TMEM233: variants seen among roughly 807,000 people sequenced by gnomAD.
The protein encoded by TMEM233 is transmembrane protein 233.
Under a neutral mutation model 11.2 loss-of-function variants are expected in TMEM233, and 6 were observed. The observed-to-expected ratio is 0.54, with a 90% CI of 0.29 to 1.06. The LOEUF (loss-of-function observed/expected upper bound fraction) is 1.06. Ranked by LOEUF, TMEM233 falls within the 50% of genes least tolerant of loss-of-function variation. The pLI, the probability that TMEM233 is intolerant of heterozygous loss-of-function variation, is 0.08. For missense variants in TMEM233, 127 were observed against 144.7 expected (o/e 0.88, Z 0.63); for synonymous variants, 59 against 55.8 (o/e 1.06, Z -0.26).
intron 1 of TMEM233, among the ~76,000 whole-genome samples, chr12:119,629,409 C>CAA (rs56377138): frequency 1.1e-4 from 3 of 27,960 alleles, no homozygotes; most frequent in African/African-American, 2.3e-4. Flanking sequence ...GACTCTGTCT[C>CAA]AAAAAAAAAA....
intron 1 of TMEM233, among the ~76,000 whole-genome samples, chr12:119,597,100 C>T (rs1473501938): frequency 1.3e-5 from 2 of 152,208 alleles, no homozygotes; most frequent in African/African-American, 2.4e-5. Flanking sequence ...ATCACAAGGA[C>T]TCCAAAGGAC....
intron 1 of TMEM233, among the ~76,000 whole-genome samples, chr12:119,604,932 T>C (rs896246862): frequency 6.6e-6 from 1 of 152,042 alleles, no homozygotes; most frequent in African/African-American, 2.4e-5. Context: ...CATGCCTGGC[T>C]AAGTTAGGTG....
At chr12:119,596,931 C>A (rs974399200) in intron 1 of TMEM233, among the ~76,000 whole-genome samples, 8 of 152,308 alleles carry the variant, frequency 5.3e-5, no homozygotes, top group Admixed American at 5.2e-4. Flanking sequence ...TAGGTACATG[C>A]AATAATTGTC....
intron 1 of TMEM233, among the ~76,000 whole-genome samples, chr12:119,621,401 T>C (rs1191418871): frequency 6.6e-6 from 1 of 152,180 alleles, no homozygotes; most frequent in African/African-American, 2.4e-5. Context: ...CAGGCTGGTC[T>C]TGAACTCCTG....
At chr12:119,616,810 G>A (rs1382719181) in intron 1 of TMEM233, among the ~76,000 whole-genome samples, 1 of 152,180 alleles carries the variant, frequency 6.6e-6, no homozygotes, top group East Asian at 1.9e-4. Context: ...TAGTGGGTGA[G>A]TTCTCACAAG....
intron 1 of TMEM233, among the ~76,000 whole-genome samples, chr12:119,626,945 G>C (rs1954778977): frequency 6.6e-6 from 1 of 152,212 alleles, no homozygotes; most frequent in Non-Finnish European, 1.5e-5. Context: ...TAACAAGTTT[G>C]GCATGAGCAC....
At chr12:119,650,057 C>T in the TMEM233 span, among the ~76,000 whole-genome samples, 2 of 150,676 alleles carry the variant, frequency 1.3e-5, no homozygotes, top group Non-Finnish European at 2.9e-5. Context: ...ACTCAGGAGG[C>T]TGAGGCAGGA....
chr12:119,605,122 T>A (rs1954246711), intron 1 of TMEM233, among the ~76,000 whole-genome samples: 1 of 152,140 alleles, frequency 6.6e-6, no homozygotes, highest in African/African-American at 2.4e-5. Context: ...CCTCTTTTGA[T>A]AACTTTATTT....
chr12:119,602,878 T>C (rs905634721), intron 1 of TMEM233, among the ~76,000 whole-genome samples: 6 of 152,124 alleles, frequency 3.9e-5, no homozygotes, highest in Non-Finnish European at 8.8e-5. Context: ...TGCATGACAG[T>C]GGAAGCTGGG....
intron 1 of TMEM233, among the ~76,000 whole-genome samples, chr12:119,627,034 G>A (rs1954780183): frequency 1.3e-5 from 2 of 152,224 alleles, no homozygotes; most frequent in South Asian, 4.1e-4. Flanking sequence ...AAAGGCAGAG[G>A]AGCAAGTGGG....
intron 1 of TMEM233, among the ~76,000 whole-genome samples, chr12:119,624,518 T>C (rs1458463028): frequency 6.6e-6 from 1 of 152,232 alleles, no homozygotes; most frequent in Admixed American, 6.5e-5. Context: ...GAAAAAATTC[T>C]GACACATACT....
At position 119,596,082 on chromosome 12, in the gene TMEM233, C is replaced by T. The variant is rs552811501; in HGVS notation, c.186+2048C>T. On this transcript the variant is annotated intron_variant, in intron 1 of 2. Transcript: ENST00000426426. ...CGGAAGCCGTCGCATCCGGTTCCTT[C>T]CGACCAACCAGCCAATTTCCTCCCT... Among the ~76,000 whole-genome samples the T allele has an allele frequency of 5.9e-5, 9 of 152,320 alleles. No homozygotes were observed. The South Asian group carries it at 1.9e-3, about 32-fold the overall frequency.
At chr12:119,602,026 T>A (rs1374436014) in intron 1 of TMEM233, among the ~76,000 whole-genome samples, 5 of 152,324 alleles carry the variant, frequency 3.3e-5, no homozygotes, top group Admixed American at 6.5e-5. Flanking sequence ...CAACCCATTA[T>A]CTGGTTGTGG....
chr12:119,652,062 G>A, the TMEM233 span, among the ~76,000 whole-genome samples: 1 of 152,156 alleles, frequency 6.6e-6, no homozygotes, highest in Non-Finnish European at 1.5e-5. Context: ...GTGTTGAGGA[G>A]GATGTGAGAA....
the TMEM233 span, among the ~76,000 whole-genome samples, chr12:119,648,157 A>G: frequency 0.84 from 128,134 of 152,098 alleles, 54,181 homozygotes; most frequent in African/African-American, 0.87. Context: ...CTCTAAGGCA[A>G]CCACCCCACC....
At chr12:119,623,096 AT>A (rs560282638) in intron 1 of TMEM233, among the ~76,000 whole-genome samples, 2,519 of 152,128 alleles carry the variant, frequency 0.017, 63 homozygotes, top group African/African-American at 0.056. Flanking sequence ...AGGGACTCTC[AT>A]TTCACCTGTG....
At chr12:119,620,304 A>G (rs1293550644) in intron 1 of TMEM233, among the ~76,000 whole-genome samples, 1 of 152,166 alleles carries the variant, frequency 6.6e-6, no homozygotes, top group African/African-American at 2.4e-5. Context: ...GAGCACTTAA[A>G]AGAATTAGTG....
rs533101162 is a variant in TMEM233 at position 119,612,667 on chromosome 12, G to T, written c.187-17069G>T. On this transcript the variant is annotated intron_variant, in intron 1 of 2. Coordinates refer to ENST00000426426, the MANE Select transcript of TMEM233 (RefSeq NM_001136534.3). ...CTTGGGAGGCTGAGGCGGGAGAATG[G>T]CATGAACCGGGAGGCGGAGGTTGCA... Among the ~76,000 whole-genome samples, 24 of 150,710 alleles carry T rather than the reference G, an allele frequency of 1.6e-4. No homozygotes were observed. The South Asian group carries it at 4.6e-3, about 29-fold the overall frequency.
Position 119,595,497 on chromosome 12 carries a change from C to T in TMEM233, c.186+1463C>T, listed in dbSNP as rs996497097. ...GCGTCTGCACCGATATGAAAGCGTG[C>T]AGCCGCTGAAGTTCAGACAAGTCTG... On this transcript the variant is annotated intron_variant, in intron 1 of 2. Transcript: ENST00000426426. This position sits in a 1 kb window ranked among gnomAD's most constrained non-coding sequence, Gnocchi z 4.3. 6.6e-6 allele frequency among the ~76,000 whole-genome samples: 1 copy of T among 152,232 alleles called. No homozygotes were observed. Among genetic ancestry groups the T allele is most frequent in the African/African-American group, 2.4e-5 (1 of 41,464 alleles).
Sources: gnomAD v4.1 joint callset for allele counts (sites outside exome capture counted in the v4.1 genomes callset) on GRCh38, gnomAD v4.1.1 for gene constraint, Gnocchi (gnomAD v3.1) non-coding constraint, MANE v1.5 for transcripts, NCBI Gene and HGNC (gene_info 2026-07-23, HGNC 2026-07-21) for gene names.